PRIM2: variants seen among roughly 807,000 people sequenced by gnomAD.
PRIM2 encodes DNA primase large subunit.
PRIM2 carries 39 observed loss-of-function variants against 67.3 expected under a neutral mutation model. The ratio of observed to expected loss-of-function variants is 0.58; its 90% CI spans 0.45 to 0.76. PRIM2 has a LOEUF of 0.76. Ranked by LOEUF, PRIM2 falls within the 30% of genes least tolerant of loss-of-function variation. The pLI is 0.00. For missense variants in PRIM2, 398 were observed against 598.7 expected (o/e 0.66, Z 3.50); for synonymous variants, 143 against 198.7 (o/e 0.72, Z 2.36).
intron 7 of PRIM2, among the ~76,000 whole-genome samples, chr6:57,448,375 G>T (rs1772430165): frequency 6.6e-6 from 1 of 152,102 alleles, no homozygotes; most frequent in Non-Finnish European, 1.5e-5. Context: ...GCAGGGGGAG[G>T]CAGTTCAAAG....
chr6:57,290,126 A>AG, the PRIM2 span, among the ~76,000 whole-genome samples: 1 of 134,974 alleles, frequency 7.4e-6, no homozygotes, highest in Non-Finnish European at 1.6e-5. Context: ...GCAAATAGAA[A>AG]GAAAAAAAAA....
intron 12 of PRIM2, among the ~76,000 whole-genome samples, chr6:57,610,911 G>A (rs2127494219): frequency 6.6e-6 from 1 of 152,248 alleles, no homozygotes; most frequent in South Asian, 2.1e-4. Flanking sequence ...ACATGAAATA[G>A]TAACCCAGGT....
At chr6:57,565,410 G>C (rs1403862583) in intron 10 of PRIM2, among the ~76,000 whole-genome samples, 3 of 148,482 alleles carry the variant, frequency 2.0e-5, no homozygotes, top group African/African-American at 7.5e-5. Flanking sequence ...GAAGTTCTAT[G>C]ATCTGCTGTC....
At chr6:57,496,066 C>A (rs1773997815) in intron 7 of PRIM2, among the ~76,000 whole-genome samples, 1 of 152,114 alleles carries the variant, frequency 6.6e-6, no homozygotes, top group Non-Finnish European at 1.5e-5. Flanking sequence ...TGTTTTATAG[C>A]CATTCCCAAA....
chr6:57,362,683 T>TA (rs1769240443), intron 5 of PRIM2, among the ~76,000 whole-genome samples: 1 of 152,104 alleles, frequency 6.6e-6, no homozygotes. Context: ...TACTTCCTTT[T>TA]TTTTTTTGGA....
intron 10 of PRIM2, among the ~76,000 whole-genome samples, chr6:57,542,325 A>G (rs1385969628): frequency 6.6e-6 from 1 of 152,160 alleles, no homozygotes; most frequent in Admixed American, 6.6e-5. Context: ...AAGTTGAGCT[A>G]GCATTTTAGC....
At chr6:57,411,360 G>T (rs1329809712) in intron 7 of PRIM2, among the ~76,000 whole-genome samples, 2 of 152,110 alleles carry the variant, frequency 1.3e-5, no homozygotes, top group Non-Finnish European at 2.9e-5. Flanking sequence ...GGAGGCTGAG[G>T]TAGGTGGATT....
chr6:57,506,405 A>T (rs1257547924), intron 7 of PRIM2, among the ~76,000 whole-genome samples: 13 of 152,062 alleles, frequency 8.5e-5, no homozygotes, highest in Non-Finnish European at 8.8e-5. Context: ...ATTTTTAGGA[A>T]ATTGTAATTA....
At chr6:57,321,690 G>C (rs1036312311) in intron 3 of PRIM2, among the ~76,000 whole-genome samples, 3 of 152,090 alleles carry the variant, frequency 2.0e-5, no homozygotes, top group Admixed American at 1.3e-4. Flanking sequence ...AATAACAGCA[G>C]ATATTTATAT....
intron 7 of PRIM2, among the ~76,000 whole-genome samples, chr6:57,442,686 T>C (rs1054003546): frequency 5.3e-5 from 8 of 152,110 alleles, no homozygotes; most frequent in Non-Finnish European, 1.0e-4. Context: ...TTATTGTAAA[T>C]TGGCAGTTTA....
intron 7 of PRIM2, among the ~76,000 whole-genome samples, chr6:57,472,565 G>A (rs1773363304): frequency 6.6e-6 from 1 of 152,124 alleles, no homozygotes; most frequent in East Asian, 1.9e-4. Context: ...TGGATTCCTA[G>A]CTGGCTACAC....
Position 57,610,110 on chromosome 6 carries a change from C to G in PRIM2, c.1230+3653C>G, listed in dbSNP as rs1228416878. On this transcript the variant is annotated intron_variant, in intron 12 of 13. Transcript: ENST00000615550. Reference sequence around the variant, plus strand: ...TGGAGACAGAGTCTTGCTCTGTCTTCCAGGCTGGAATGCAATGGCGCAATC... The same window carrying G: ...TGGAGACAGAGTCTTGCTCTGTCTTGCAGGCTGGAATGCAATGGCGCAATC... Among the ~76,000 whole-genome samples the G allele has an allele frequency of 6.6e-4, 101 of 152,212 alleles. 1 individual carries two copies. Among genetic ancestry groups the G allele is most frequent in the Admixed American group, 2.1e-3 (32 of 15,300 alleles).
At chr6:57,591,432 TATG>T (rs1260491548) in intron 10 of PRIM2, among the ~76,000 whole-genome samples, 3 of 152,216 alleles carry the variant, frequency 2.0e-5, no homozygotes, top group Non-Finnish European at 4.4e-5. Flanking sequence ...TGTTAGTACT[TATG>T]ATAACTAATC....
rs754615917 is a variant in PRIM2, at chr6:57,340,110, C to G, written c.459+14065C>G. On this transcript the variant is annotated intron_variant, in intron 5 of 13. Coordinates refer to ENST00000615550, the MANE Select transcript of PRIM2 (RefSeq NM_000947.5). ...GCCAAAAAACACATGAAAAAATGCT[C>G]ATGATCACTGGCCATCAGAGAAATG... Among the ~76,000 whole-genome samples, 131 of 152,164 alleles carry G rather than the reference C, an allele frequency of 8.6e-4. 1 individual carries two copies. Among genetic ancestry groups the G allele is most frequent in the Non-Finnish European group, 2.5e-4 (17 of 68,042 alleles).
At chr6:57,572,687 G>A (rs1418240395) in intron 10 of PRIM2, among the ~76,000 whole-genome samples, 1 of 152,216 alleles carries the variant, frequency 6.6e-6, no homozygotes, top group Non-Finnish European at 1.5e-5. Flanking sequence ...AGATGTCCCT[G>A]CCATTACAGT....
chr6:57,282,421 G>T, the PRIM2 span, among the ~76,000 whole-genome samples: 1 of 152,024 alleles, frequency 6.6e-6, no homozygotes, highest in Non-Finnish European at 1.5e-5. Context: ...CTTCCTAAAT[G>T]GTTCTACCCA....
chr6:57,580,376 G>T (rs1166127173), intron 10 of PRIM2, among the ~76,000 whole-genome samples: 1 of 152,082 alleles, frequency 6.6e-6, no homozygotes, highest in African/African-American at 2.4e-5. Flanking sequence ...TCATGGCTGA[G>T]GTCCTATAGC....
rs1286427728 is a variant in PRIM2 at position 57,407,556 on chromosome 6, A to AT, written c.693+25394dup. 3.3e-5 allele frequency among the ~76,000 whole-genome samples: 5 copies of AT among 152,090 alleles called. 1 individual carries two copies. Among genetic ancestry groups the AT allele is most frequent in the Middle Eastern group, 3.4e-3 (1 of 294 alleles). ...TATAGGCTGAGCAGCCTCCACTGTT[A>AT]TTTTTTAGCACTTTGCCTAAGGAAT... is the stretch of plus-strand genomic sequence containing the variant. On this transcript the variant is annotated intron_variant, in intron 7 of 13. Coordinates refer to ENST00000615550, the MANE Select transcript of PRIM2 (RefSeq NM_000947.5).
intron 7 of PRIM2, among the ~76,000 whole-genome samples, chr6:57,439,473 T>C (rs1273449398): frequency 7.4e-6 from 1 of 135,350 alleles, no homozygotes; most frequent in African/African-American, 2.7e-5. Context: ...TGGAGTGTAG[T>C]GGCACCATCA....
Sources: allele counts gnomAD v4.1 joint callset (sites outside exome capture counted in the v4.1 genomes callset), GRCh38; gene constraint gnomAD v4.1.1; transcripts MANE v1.5; gene names NCBI Gene and HGNC (gene_info 2026-07-23, HGNC 2026-07-21).